The following DPP10 variants were observed in gnomAD, a reference collection of about 807,000 sequenced individuals.
DPP10 encodes dipeptidyl peptidase like 10.
A neutral mutation model predicts 120.9 loss-of-function variants in DPP10; 33 were observed. The ratio of observed to expected loss-of-function variants is 0.27; its 90% CI spans 0.21 to 0.37. DPP10 has a LOEUF of 0.37. Ranked by LOEUF, DPP10 falls within the 10% of genes least tolerant of loss-of-function variation. DPP10 has a pLI of 1.00. For synonymous variants in DPP10, 337 were observed against 326.1 expected, an observed-to-expected ratio of 1.03 and a Z score of -0.36; for missense variants, 816 against 942.8, an observed-to-expected ratio of 0.87 and a Z score of 1.76.
At chr2:114,989,866 A>G (rs1008952993) in intron 1 of DPP10, among the ~76,000 whole-genome samples, 3 of 152,208 alleles carry the variant, frequency 2.0e-5, no homozygotes, top group Non-Finnish European at 2.9e-5. Context: ...TGTTATCCCT[A>G]TAAACATTGG....
At chr2:114,463,677 A>G (rs554351668) in intron 1 of DPP10, among the ~76,000 whole-genome samples, 3 of 152,278 alleles carry the variant, frequency 2.0e-5, no homozygotes, top group East Asian at 3.9e-4. Flanking sequence ...TGTTAAATTT[A>G]TTCTCTGCTC....
chr2:115,399,893 A>G (rs552528225), intron 3 of DPP10, among the ~76,000 whole-genome samples: 20 of 152,258 alleles, frequency 1.3e-4, no homozygotes, highest in African/African-American at 4.6e-4. Context: ...TCATTTATAA[A>G]GAAAAAAAGG....
intron 1 of DPP10, among the ~76,000 whole-genome samples, chr2:114,685,440 T>C (rs1699300420): frequency 6.6e-6 from 1 of 151,982 alleles, no homozygotes; most frequent in African/African-American, 2.4e-5. Flanking sequence ...AACATAGACC[T>C]AAGACCTATG....
chr2:115,427,257 A>G (rs1488601455), intron 3 of DPP10, among the ~76,000 whole-genome samples: 2 of 152,138 alleles, frequency 1.3e-5, no homozygotes, highest in Non-Finnish European at 2.9e-5. Context: ...CCACTAGGCA[A>G]TGTCCCAGCT....
intron 1 of DPP10, among the ~76,000 whole-genome samples, chr2:115,221,779 T>TC (rs372933877): frequency 9.7e-5 from 12 of 123,524 alleles, no homozygotes; most frequent in Non-Finnish European, 1.7e-4. Context: ...TTTTTTTTTT[T>TC]CTATGAGCTA....
At chr2:114,831,651 C>T (rs112772900) in intron 1 of DPP10, among the ~76,000 whole-genome samples, 9 of 152,096 alleles carry the variant, frequency 5.9e-5, no homozygotes, top group Admixed American at 3.3e-4. Context: ...ATATTCTGCA[C>T]GTAGTTTGCA....
chr2:114,971,673 T>A (rs1317133264), intron 1 of DPP10, among the ~76,000 whole-genome samples: 1 of 152,126 alleles, frequency 6.6e-6, no homozygotes, highest in Non-Finnish European at 1.5e-5. Context: ...GCCATAAGAT[T>A]TCGCAAGAAA....
chr2:115,032,707 C>A (rs565118580), intron 1 of DPP10, among the ~76,000 whole-genome samples: 1 of 151,582 alleles, frequency 6.6e-6, no homozygotes, highest in South Asian at 2.1e-4. Flanking sequence ...ATGGCGAAAC[C>A]CGGTATCTAC....
intron 1 of DPP10, among the ~76,000 whole-genome samples, chr2:114,951,662 C>T (rs945606831): frequency 1.3e-5 from 2 of 151,912 alleles, no homozygotes; most frequent in African/African-American, 4.8e-5. Flanking sequence ...TATTCTAGCC[C>T]GAATATCTGC....
At chr2:115,465,253 T>A (rs1402052349) in intron 3 of DPP10, among the ~76,000 whole-genome samples, 1 of 152,152 alleles carries the variant, frequency 6.6e-6, no homozygotes, top group African/African-American at 2.4e-5. Context: ...ATGCTGTTAT[T>A]TCTTTTAAAA....
intron 1 of DPP10, among the ~76,000 whole-genome samples, chr2:114,602,631 C>T (rs991148701): frequency 6.6e-6 from 1 of 151,940 alleles, no homozygotes; most frequent in Non-Finnish European, 1.5e-5. Flanking sequence ...AATCAGTACT[C>T]AGGATATGCT....
intron 1 of DPP10, among the ~76,000 whole-genome samples, chr2:114,775,887 G>T (rs2106171175): frequency 6.6e-6 from 1 of 152,238 alleles, no homozygotes; most frequent in South Asian, 2.1e-4. Flanking sequence ...TACGTCTCAA[G>T]GAACTATCAC....
intron 1 of DPP10, among the ~76,000 whole-genome samples, chr2:114,947,061 C>T (rs188292659): frequency 1.3e-5 from 2 of 152,110 alleles, no homozygotes; most frequent in East Asian, 1.9e-4. Flanking sequence ...AACGTTCAAA[C>T]GTATTGCATG....
intron 1 of DPP10, among the ~76,000 whole-genome samples, chr2:114,443,824 A>G (rs1677794863): frequency 6.6e-6 from 1 of 151,784 alleles, no homozygotes; most frequent in East Asian, 1.9e-4. Context: ...CTGACTTTTT[A>G]TGATTTATAT....
chr2:115,214,664 T>A, intron 1 of DPP10, among the ~76,000 whole-genome samples: 1 of 152,226 alleles, frequency 6.6e-6, no homozygotes, highest in East Asian at 1.9e-4. Context: ...TTTTTCTGAC[T>A]TCTCCCTTTA....
At chr2:114,930,083 C>T (rs1389726828) in intron 1 of DPP10, among the ~76,000 whole-genome samples, 1 of 152,144 alleles carries the variant, frequency 6.6e-6, no homozygotes, top group Non-Finnish European at 1.5e-5. Flanking sequence ...CCTCCTAAGC[C>T]TCTGGGCTTG....
chr2:114,622,725 T>G (rs1694194985), intron 1 of DPP10, among the ~76,000 whole-genome samples: 1 of 152,100 alleles, frequency 6.6e-6, no homozygotes, highest in Non-Finnish European at 1.5e-5. Flanking sequence ...ATCTCAACTC[T>G]GAAAATAGGA....
intron 1 of DPP10, among the ~76,000 whole-genome samples, chr2:115,271,018 CA>C (rs1174074892): frequency 1.3e-5 from 2 of 152,132 alleles, no homozygotes; most frequent in Non-Finnish European, 2.9e-5. Context: ...CCAGTACCTT[CA>C]AAACTAGTTC....
chr2:115,100,187 G>C (rs1402377536), intron 1 of DPP10, among the ~76,000 whole-genome samples: 1 of 152,172 alleles, frequency 6.6e-6, no homozygotes, highest in African/African-American at 2.4e-5. Context: ...GTTCACACCT[G>C]TAATCCAAGC....
Sources: gnomAD v4.1 joint callset for allele counts (sites outside exome capture counted in the v4.1 genomes callset) on GRCh38, gnomAD v4.1.1 for gene constraint, MANE v1.5 for transcripts, NCBI Gene and HGNC (gene_info 2026-07-23, HGNC 2026-07-21) for gene names.